Variants in PDE4D observed in about 807,000 individuals in gnomAD.
PDE4D encodes the protein 3',5'-cyclic-AMP phosphodiesterase 4D.
In PDE4D, 24 loss-of-function variants were observed where a neutral mutation model predicts 87.4. The observed-to-expected ratio is 0.27, with a 90% CI of 0.20 to 0.39. The LOEUF is 0.39. Among genes scored for constraint, PDE4D ranks in the 10% least tolerant of loss-of-function variants. PDE4D has a pLI of 1.00. For missense variants in PDE4D, 714 were observed against 1,041.0 expected, an observed-to-expected ratio of 0.69 and a Z score of 4.32; for synonymous variants, 384 against 383.2, an observed-to-expected ratio of 1.00 and a Z score of -0.02.
At chr5:59,380,388 C>CAAAAAAA (rs10574102) in intron 1 of PDE4D, among the ~76,000 whole-genome samples, 6 of 108,920 alleles carry the variant, frequency 5.5e-5, no homozygotes, top group Admixed American at 9.9e-5. Context: ...CAAAAGCAAT[C>CAAAAAAA]AAAAAAAAAA....
intron 5 of PDE4D, chr5:59,125,224 T>C (rs536295005): frequency 3.1e-6 from 3 of 952,864 alleles, no homozygotes; most frequent in Non-Finnish European, 3.7e-6. Context: ...TAATCAAATT[T>C]ACTGCACTTA....
In PDE4D at chr5:59,464,448, A is replaced by C. The variant is rs566669731; in HGVS notation, c.456-248480T>G. ...TTTATGTGTATGCATATCTAAAAGC[A>C]CAGCACTTGATTCTTTACCTTGTCT... On this transcript the variant is annotated intron_variant, in intron 1 of 14. Transcript: ENST00000340635. Among the ~76,000 whole-genome samples, 141 of 152,384 alleles carry C rather than the reference A, an allele frequency of 9.3e-4. 1 individual carries two copies. The highest frequency in any genetic ancestry group is 3.2e-3 in the African/African-American group (133 of 41,600).
At chr5:59,486,361 A>G (rs965339398) in intron 1 of PDE4D, among the ~76,000 whole-genome samples, 2 of 152,130 alleles carry the variant, frequency 1.3e-5, no homozygotes, top group African/African-American at 4.8e-5. Context: ...CCAGAAATAG[A>G]AGAAGCTTTT....
intron 1 of PDE4D, among the ~76,000 whole-genome samples, chr5:59,590,083 A>G (rs950270479): frequency 6.6e-6 from 1 of 152,214 alleles, no homozygotes; most frequent in Non-Finnish European, 1.5e-5. Flanking sequence ...TTTTGCAGAC[A>G]TAAGGCAACA....
chr5:59,343,110 C>T (rs889002640), intron 1 of PDE4D, among the ~76,000 whole-genome samples: 1 of 151,956 alleles, frequency 6.6e-6, no homozygotes, highest in Non-Finnish European at 1.5e-5. Context: ...CTCCCACCCT[C>T]CCCTCTCTGG....
intron 1 of PDE4D, among the ~76,000 whole-genome samples, chr5:60,322,699 T>C (rs918906978): frequency 6.6e-6 from 1 of 152,196 alleles, no homozygotes; most frequent in African/African-American, 2.4e-5. Flanking sequence ...CCAATGGCTT[T>C]TAAGCATACT....
chr5:60,083,959 T>C (rs145706161), intron 2 of PDE4D, among the ~76,000 whole-genome samples: 1 of 152,192 alleles, frequency 6.6e-6, no homozygotes, highest in Admixed American at 6.5e-5. Context: ...TATTAGAAAT[T>C]CCCTCTAAAG....
At chr5:59,789,371 G>T (rs928155362) in intron 1 of PDE4D, among the ~76,000 whole-genome samples, 1 of 152,216 alleles carries the variant, frequency 6.6e-6, no homozygotes, top group African/African-American at 2.4e-5. Context: ...TATGCGTTAT[G>T]TCATCTATGT....
intron 1 of PDE4D, among the ~76,000 whole-genome samples, chr5:60,462,561 A>G (rs986745885): frequency 6.6e-6 from 1 of 152,170 alleles, no homozygotes; most frequent in Non-Finnish European, 1.5e-5. Flanking sequence ...TCTGTTTCCT[A>G]TCCTCACGGT....
At chr5:59,009,776 T>C (rs1292641165) in intron 6 of PDE4D, among the ~76,000 whole-genome samples, 3 of 152,200 alleles carry the variant, frequency 2.0e-5, no homozygotes, top group African/African-American at 7.2e-5. Context: ...TTATGTAAAT[T>C]ATACCTCAAA....
chr5:59,576,112 T>C (rs952959158), intron 1 of PDE4D, among the ~76,000 whole-genome samples: 1 of 152,176 alleles, frequency 6.6e-6, no homozygotes, highest in Non-Finnish European at 1.5e-5. Context: ...ATCTGTACTA[T>C]AACAATATTT....
At chr5:59,521,272 C>T (rs1812192665) in intron 1 of PDE4D, among the ~76,000 whole-genome samples, 2 of 152,092 alleles carry the variant, frequency 1.3e-5, no homozygotes, top group South Asian at 2.1e-4. Flanking sequence ...CTTGTCTTTA[C>T]ATCAGTGCAT....
At chr5:59,467,343 T>G (rs1412671060) in intron 1 of PDE4D, among the ~76,000 whole-genome samples, 1 of 152,090 alleles carries the variant, frequency 6.6e-6, no homozygotes, top group Non-Finnish European at 1.5e-5. Context: ...AGGGTCTGAG[T>G]TGAATATAGA....
At chr5:59,033,169 T>C (rs1341377112) in intron 6 of PDE4D, among the ~76,000 whole-genome samples, 2 of 152,218 alleles carry the variant, frequency 1.3e-5, no homozygotes, top group Non-Finnish European at 2.9e-5. Context: ...CCTATTGTCA[T>C]TGTAGTTGGT....
chr5:60,018,753 A>G (rs748043342), intron 2 of PDE4D, among the ~76,000 whole-genome samples: 3 of 152,224 alleles, frequency 2.0e-5, no homozygotes, highest in Non-Finnish European at 4.4e-5. Context: ...AGGACATTAC[A>G]TAATGGTAAA....
intron 1 of PDE4D, among the ~76,000 whole-genome samples, chr5:60,322,373 CA>C (rs1756365546): frequency 1.2e-5 from 1 of 84,020 alleles, no homozygotes; most frequent in African/African-American, 7.9e-5. Flanking sequence ...CACATACACA[CA>C]CACACACACA....
intron 1 of PDE4D, among the ~76,000 whole-genome samples, chr5:59,794,449 C>T (rs2152654053): frequency 6.6e-6 from 1 of 152,182 alleles, no homozygotes; most frequent in Non-Finnish European, 1.5e-5. Flanking sequence ...ATCCCTGGTG[C>T]TTCCCGGCAG....
intron 1 of PDE4D, among the ~76,000 whole-genome samples, chr5:59,737,840 A>G (rs1758291170): frequency 6.6e-6 from 1 of 152,142 alleles, no homozygotes; most frequent in Admixed American, 6.5e-5. Context: ...ACATTCACAT[A>G]CATACTATAT....
intron 1 of PDE4D, among the ~76,000 whole-genome samples, chr5:59,706,777 T>C (rs140659491): frequency 7.5e-4 from 114 of 152,250 alleles, no homozygotes; most frequent in African/African-American, 2.7e-3. Context: ...GAAATATAAA[T>C]CCTTTTCCGA....
Sources: allele counts gnomAD v4.1 joint callset (sites outside exome capture counted in the v4.1 genomes callset), GRCh38; gene constraint gnomAD v4.1.1; transcripts MANE v1.5; gene names NCBI Gene and HGNC (gene_info 2026-07-23, HGNC 2026-07-21).